PEG3: variants seen among roughly 807,000 people sequenced by gnomAD.
PEG3 encodes paternally expressed 3.
Under a neutral mutation model 35.5 loss-of-function variants are expected in PEG3, and 23 were observed. That is an observed-to-expected ratio of 0.65 (90% CI 0.47 to 0.92). The LOEUF (loss-of-function observed/expected upper bound fraction) is 0.92, where lower values mean the gene tolerates loss of function less well. Among genes scored for constraint, PEG3 ranks in the 40% least tolerant of loss-of-function variants. The probability of loss-of-function intolerance (pLI) is 0.00; values close to 1 mark genes in which losing one functional copy is unlikely to be tolerated. For synonymous variants in PEG3, 707 were observed against 697.0 expected, an observed-to-expected ratio of 1.01 and a Z score of -0.23; for missense variants, 1,960 against 1,985.3, an observed-to-expected ratio of 0.99 and a Z score of 0.24.
At chr19:56,819,522 T>A (rs2060280247) in intron 7 of PEG3, among the ~76,000 whole-genome samples, 1 of 152,158 alleles carries the variant, frequency 6.6e-6, no homozygotes, top group African/African-American at 2.4e-5. Context: ...GCACTGAGGC[T>A]GGAGAGAGAC....
At position 56,812,977 on chromosome 19, in the gene PEG3, A is replaced by T. The variant is rs2146107902; in HGVS notation, c.*698T>A. ...ATTAGGTTCCAAAGTGTTGGCGCAG[A>T]TGAAATGGCTGCAGAAAGAAGCTAA... On this transcript the variant is annotated 3_prime_UTR_variant, in exon 10 of 10. Transcript: ENST00000326441. The T allele has an allele frequency of 1.0e-6, 1 of 985,852 alleles. No individual in the cohort carries two copies. The highest frequency in any genetic ancestry group is 4.7e-5 in the South Asian group (1 of 21,284). The allele number at this position is 985,852 out of a possible 1,614,324, so 61.1% of individuals were successfully genotyped here. A position where few individuals can be genotyped will look rare whatever the true frequency, so the allele number is the denominator to read the frequency against.
At chr19:56,838,940 C>T (rs1435406058) in intron 1 of PEG3, among the ~76,000 whole-genome samples, 6 of 152,182 alleles carry the variant, frequency 3.9e-5, no homozygotes, top group Admixed American at 6.5e-5. Context: ...TTGAACAGAC[C>T]GTCCCGCCCA....
rs779546760 is a variant in PEG3, at chr19:56,824,455, G to C, written c.201C>G (p.Leu67=). The C allele has an allele frequency of 1.4e-5, 23 of 1,614,008 alleles. No homozygotes were observed. The highest frequency in any genetic ancestry group is 5.0e-5 in the Admixed American group (3 of 59,996). ...GCAACCAATCGAGGCAGAGGTTTCGGAGTTTGATCAGGGTCTTCCGAGGCC... is the reference window on the plus strand; with the variant it reads ...GCAACCAATCGAGGCAGAGGTTTCGCAGTTTGATCAGGGTCTTCCGAGGCC... ...FVGPRKTLIK[L]RNLCLDWLQP... The change falls in exon 4 of 10, where the codon CTC becomes CTG. Residue 67 remains leucine (L), a synonymous_variant. Transcript: ENST00000326441.
At chr19:56,829,025 T>C (rs898197160) in intron 2 of PEG3, among the ~76,000 whole-genome samples, 4 of 151,928 alleles carry the variant, frequency 2.6e-5, no homozygotes, top group African/African-American at 7.3e-5. Context: ...TATAGCCAAG[T>C]AGATAAAATG....
Position 56,824,261 on chromosome 19 carries a change from CCTT to C in PEG3, c.392_394del (p.Glu131del), listed in dbSNP as rs113652299. ...CACCAACACCCCGTGGAGACTCTCA[CCTT>C]CTGGTTGGTACATCTCCTTGTAATT... is the stretch of plus-strand genomic sequence containing the variant. On this transcript the variant is annotated inframe_deletion and splice_region_variant, in exon 4 of 10. Coordinates refer to ENST00000326441, the MANE Select transcript of PEG3 (RefSeq NM_006210.3). 799 of 1,613,142 alleles carry C rather than the reference CCTT, an allele frequency of 5.0e-4. 3 individuals carry two copies. The African/African-American group carries it at 8.7e-3, about 18-fold the overall frequency.
chr19:56,815,531 A>G lies in PEG3; in HGVS notation c.2911T>C (p.Cys971Arg), dbSNP rs1219849257. The G allele has an allele frequency of 2.5e-6, 4 of 1,614,040 alleles. No individual in the cohort carries two copies. In the Admixed American group the frequency reaches 5.0e-5, roughly 20 times the overall value. Residue 971 changes from cysteine to arginine, a missense_variant, in exon 10 of 10, where the codon TGT becomes CGT. By Grantham distance (180) the Cys-to-Arg change is radical. Coordinates refer to ENST00000326441, the MANE Select transcript of PEG3 (RefSeq NM_006210.3). Reference protein sequence around the residue: ...TFRPRGMLYECQECGECFAHS... With the variant: ...TFRPRGMLYERQECGECFAHS... ...GCAAAGCACTCCCCACACTCCTGAC[A>G]TTCATAGAGCATCCCTCGAGGGCGA...
Position 56,814,549 on chromosome 19 carries a change from G to T in PEG3, c.3893C>A (p.Ala1298Glu), listed in dbSNP as rs771668906. The change falls in exon 10 of 10, where the codon GCA becomes GAA. Residue 1298 changes from alanine to glutamate, a missense_variant. Transcript: ENST00000326441. The surrounding 1 kb of genome is among the most constrained non-coding windows in gnomAD (Gnocchi z 5.8). Reference sequence around the variant, plus strand: ...ATTCTTATGAACAGTTACGTGATCTGCAAGTTCTGCTGGGTTGACGAAAGA... The same window carrying T: ...ATTCTTATGAACAGTTACGTGATCTTCAAGTTCTGCTGGGTTGACGAAAGA... ...GESFVNPAEL[A>E]DHVTVHKNEP... is the part of the protein sequence containing the mutation. 1 of 1,613,766 alleles carries T rather than the reference G, an allele frequency of 6.2e-7. No individual in the cohort carries two copies. The highest frequency in any genetic ancestry group is 8.5e-7 in the Non-Finnish European group (1 of 1,179,796).
chr19:56,830,539 G>GTC, intron 2 of PEG3, among the ~76,000 whole-genome samples: 1 of 152,144 alleles, frequency 6.6e-6, no homozygotes, highest in Non-Finnish European at 1.5e-5. Flanking sequence ...GACAAGGAAG[G>GTC]GACAGCTATA....
intron 2 of PEG3, among the ~76,000 whole-genome samples, chr19:56,834,234 C>A (rs971886695): frequency 2.0e-5 from 3 of 152,094 alleles, no homozygotes; most frequent in African/African-American, 7.2e-5. Flanking sequence ...GGATAGTGAA[C>A]AACTCTCATC....
chr19:56,840,042 G>A (rs2062809416), intron 1 of PEG3, among the ~76,000 whole-genome samples: 2 of 152,250 alleles, frequency 1.3e-5, no homozygotes, highest in African/African-American at 2.4e-5. Flanking sequence ...CGCCCCCAGA[G>A]GGTAGCCGGG....
chr19:56,825,428 C>T (rs961477835), intron 3 of PEG3, among the ~76,000 whole-genome samples: 4 of 152,182 alleles, frequency 2.6e-5, no homozygotes, highest in Non-Finnish European at 5.9e-5. Flanking sequence ...CTAAAAGAAC[C>T]GGCTTTCTGT....
intron 2 of PEG3, among the ~76,000 whole-genome samples, chr19:56,826,665 A>G (rs2061067208): frequency 6.6e-6 from 1 of 152,226 alleles, no homozygotes; most frequent in African/African-American, 2.4e-5. Context: ...AACTGTCTTT[A>G]TGAAACCAGA....
chr19:56,836,165 G>C (rs192051237), intron 1 of PEG3, 61 bp from the exon 2 acceptor site: 117 of 434,116 alleles, frequency 2.7e-4, no homozygotes, highest in Non-Finnish European at 4.0e-4. Flanking sequence ...GGTTCCTCAG[G>C]GGGGAACAAT....
At position 56,824,584 on chromosome 19, in the gene PEG3, G is replaced by A. The variant is rs368066738; in HGVS notation, c.72C>T (p.Asp24=). ...KSWAPNLYEL[D]SDLTKEPDVI... Reference sequence around the variant, plus strand: ...CATCCGGCTCCTTAGTCAAGTCACTGTCTAGCTCATACAGATTTGGGGCCC... The same window carrying A: ...CATCCGGCTCCTTAGTCAAGTCACTATCTAGCTCATACAGATTTGGGGCCC... Residue 24 remains aspartate (D), a synonymous_variant, in exon 4 of 10, where the codon GAC becomes GAT. Transcript: ENST00000326441. The A allele has an allele frequency of 5.6e-6, 9 of 1,614,106 alleles. No homozygotes were observed. The highest frequency in any genetic ancestry group is 2.7e-5 in the African/African-American group (2 of 75,038).
chr19:56,815,530 C>T lies in PEG3; in HGVS notation c.2912G>A (p.Cys971Tyr). Residue 971 changes from cysteine (C) to tyrosine (Y), a missense_variant, in exon 10 of 10, where the codon TGT (cysteine) becomes TAT (tyrosine). By Grantham distance (194) the Cys-to-Tyr change is radical. Transcript: ENST00000326441. Reference sequence around the variant, plus strand: ...AGCAAAGCACTCCCCACACTCCTGACATTCATAGAGCATCCCTCGAGGGCG... The same window carrying T: ...AGCAAAGCACTCCCCACACTCCTGATATTCATAGAGCATCCCTCGAGGGCG... ...TFRPRGMLYE[C>Y]QECGECFAHS... 6.2e-7 allele frequency: 1 copy of T among 1,614,134 alleles called. No homozygotes were observed. The highest frequency in any genetic ancestry group is 8.5e-7 in the Non-Finnish European group (1 of 1,179,992).
At chr19:56,821,871 T>G in intron 6 of PEG3, 117 bp from the exon 7 acceptor site, 1 of 1,074,848 alleles carries the variant, frequency 9.3e-7, no homozygotes, top group South Asian at 1.3e-5. Flanking sequence ...GCAAGTGCCT[T>G]TCTCTTCTCT....
rs763332875 is a variant in PEG3, at chr19:56,815,093, C to T, written c.3349G>A (p.Val1117Met). 136 of 1,613,622 alleles carry T rather than the reference C, an allele frequency of 8.4e-5. No individual in the cohort carries two copies. Among genetic ancestry groups the T allele is most frequent in the Non-Finnish European group, 1.1e-4 (134 of 1,179,734 alleles). Residue 1117 changes from valine (V) to methionine (M), a missense_variant, in exon 10 of 10, where the codon GTG becomes ATG. Transcript: ENST00000326441. ...YECEDCGLGF[V>M]DLTDLTDHQK... ...TGGTCTGTGAGGTCTGTGAGATCCA[C>T]AAAGCCCAGGCCACAGTCCTCACAT... is the stretch of plus-strand genomic sequence containing the variant.
chr19:56,818,516 T>C, intron 8 of PEG3, 84 bp downstream of exon 8: 1 of 1,426,068 alleles, frequency 7.0e-7, no homozygotes, highest in Non-Finnish European at 9.8e-7. Flanking sequence ...TAATGTGGAC[T>C]CTAACATCCA....
chr19:56,812,402 G>C lies in PEG3; in HGVS notation c.*1273C>G, dbSNP rs1353979674. ...GGGAACCTGAGTCCATGTTAAGCTT[G>C]GGTTGACTGTAAAGAATTTTTTTTT... On this transcript the variant is annotated 3_prime_UTR_variant, in exon 10 of 10. Transcript: ENST00000326441. The C allele has an allele frequency of 1.0e-6, 1 of 984,382 alleles. No homozygotes were observed. Among genetic ancestry groups the C allele is most frequent in the East Asian group, 1.1e-4 (1 of 8,714 alleles). The allele number at this position is 984,382 out of a possible 1,614,324, so 61.0% of individuals were successfully genotyped here.
Sources: allele counts gnomAD v4.1 joint callset (sites outside exome capture counted in the v4.1 genomes callset), GRCh38; gene constraint gnomAD v4.1.1; non-coding constraint Gnocchi (gnomAD v3.1); transcripts MANE v1.5; gene names NCBI Gene and HGNC (gene_info 2026-07-23, HGNC 2026-07-21).